MBNL2: variants seen among roughly 807,000 people sequenced by gnomAD.
MBNL2 encodes the protein muscleblind-like protein 2.
In MBNL2, 17 loss-of-function variants were observed where a neutral mutation model predicts 41.9. The observed-to-expected ratio is 0.41, with a 90% CI of 0.28 to 0.61. MBNL2 has a LOEUF of 0.61. Among genes scored for constraint, MBNL2 ranks in the 20% least tolerant of loss-of-function variants. The probability of loss-of-function intolerance (pLI) is 0.35; values close to 1 mark genes in which losing one functional copy is unlikely to be tolerated. For missense variants in MBNL2, 336 were observed against 505.6 expected (o/e 0.66, Z 3.22); for synonymous variants, 195 against 182.9 (o/e 1.07, Z -0.53).
upstream of MBNL2, among the ~76,000 whole-genome samples, chr13:97,216,815 G>A (rs529553822): frequency 4.6e-5 from 7 of 151,746 alleles, no homozygotes; most frequent in East Asian, 1.9e-4. Flanking sequence ...TTCCTTCTCC[G>A]GTCCAACTTT....
chr13:97,149,182 T>C, the MBNL2 span, among the ~76,000 whole-genome samples: 1 of 152,178 alleles, frequency 6.6e-6, no homozygotes, highest in African/African-American at 2.4e-5. Context: ...TTGGCAGCCA[T>C]TACGGAAGCG....
chr13:97,357,864 A>C, intron 7 of MBNL2: 1 of 566,732 alleles, frequency 1.8e-6, no homozygotes, highest in Non-Finnish European at 3.2e-6. Context: ...GATTTAACCC[A>C]TGAGAAACAG....
At chr13:97,305,879 A>G (rs2058078695) in intron 2 of MBNL2, among the ~76,000 whole-genome samples, 1 of 152,192 alleles carries the variant, frequency 6.6e-6, no homozygotes. Context: ...AGAGCTACCC[A>G]AGCAATAATT....
At chr13:97,307,323 T>C (rs2058213340) in intron 2 of MBNL2, among the ~76,000 whole-genome samples, 1 of 152,022 alleles carries the variant, frequency 6.6e-6, no homozygotes, top group Non-Finnish European at 1.5e-5. Flanking sequence ...ATTTTTCCAC[T>C]GTGTGTGCCA....
At chr13:97,331,977 G>A (rs1455458132) in intron 2 of MBNL2, among the ~76,000 whole-genome samples, 1 of 152,198 alleles carries the variant, frequency 6.6e-6, no homozygotes, top group African/African-American at 2.4e-5. Context: ...AAATGTGTGT[G>A]TGCAGCCACA....
chr13:97,237,547 A>G (rs1437146290), intron 1 of MBNL2, among the ~76,000 whole-genome samples: 1 of 152,200 alleles, frequency 6.6e-6, no homozygotes, highest in Non-Finnish European at 1.5e-5. Context: ...GATGCCTGTG[A>G]GATTAGTGCC....
chr13:97,352,416 A>C (rs1197852058), intron 5 of MBNL2, among the ~76,000 whole-genome samples: 1 of 152,176 alleles, frequency 6.6e-6, no homozygotes, highest in African/African-American at 2.4e-5. Flanking sequence ...TAATTTCAAT[A>C]TAATTTTGTC....
At chr13:97,364,695 G>C (rs2063712508) in intron 7 of MBNL2, among the ~76,000 whole-genome samples, 1 of 152,190 alleles carries the variant, frequency 6.6e-6, no homozygotes, top group South Asian at 2.1e-4. Flanking sequence ...GATTTACGAA[G>C]AGAATTCTAT....
At chr13:97,163,099 T>C in the MBNL2 span, among the ~76,000 whole-genome samples, 1 of 152,150 alleles carries the variant, frequency 6.6e-6, no homozygotes, top group Admixed American at 6.5e-5. Context: ...GAATGTGCTG[T>C]GTGCTTAAAG....
At chr13:97,197,537 AT>A in the MBNL2 span, among the ~76,000 whole-genome samples, 1 of 152,020 alleles carries the variant, frequency 6.6e-6, no homozygotes, top group Non-Finnish European at 1.5e-5. Flanking sequence ...ATGGTTTTTC[AT>A]TTGTTCAAGC....
chr13:97,334,311 C>T lies in MBNL2; in HGVS notation c.210C>T (p.His70=), dbSNP rs2060698380. The T allele has an allele frequency of 6.2e-7, 1 of 1,613,162 alleles. No homozygotes were observed. Among genetic ancestry groups the T allele is most frequent in the Non-Finnish European group, 8.5e-7 (1 of 1,179,630 alleles). ...RCSRENCKYL[H]PPTHLKTQLE... Reference sequence around the variant, plus strand: ...CGAGAGAGAACTGCAAGTATCTTCACCCTCCGACACACTTAAAAACTCAAC... The same window carrying T: ...CGAGAGAGAACTGCAAGTATCTTCATCCTCCGACACACTTAAAAACTCAAC... Residue 70 remains histidine, a synonymous_variant, in exon 3 of 9, where the codon CAC becomes CAT. Transcript: ENST00000679496. The surrounding 1 kb of genome is among the most constrained non-coding windows in gnomAD (Gnocchi z 5.3).
chr13:97,196,566 A>G, the MBNL2 span, among the ~76,000 whole-genome samples: 1 of 152,178 alleles, frequency 6.6e-6, no homozygotes, highest in Non-Finnish European at 1.5e-5. Flanking sequence ...GGGAAGTGTT[A>G]CTGGAGCCAT....
chr13:97,310,795 T>C (rs2058532956), intron 2 of MBNL2, among the ~76,000 whole-genome samples: 1 of 151,618 alleles, frequency 6.6e-6, no homozygotes, highest in South Asian at 2.1e-4. Flanking sequence ...TTTTTTTTTT[T>C]TTTTTTTAAA....
intron 1 of MBNL2, among the ~76,000 whole-genome samples, chr13:97,228,897 A>G (rs1482181449): frequency 1.3e-5 from 2 of 151,942 alleles, no homozygotes; most frequent in African/African-American, 4.8e-5. Context: ...CAAATTGAGT[A>G]AGGTTAAGCA....
chr13:97,361,538 TAGAG>T (rs1388305827), intron 7 of MBNL2, among the ~76,000 whole-genome samples: 1 of 151,978 alleles, frequency 6.6e-6, no homozygotes, highest in Non-Finnish European at 1.5e-5. Context: ...TTAGGCCACT[TAGAG>T]AGAGAGGCTC....
At chr13:97,180,432 A>G in the MBNL2 span, among the ~76,000 whole-genome samples, 1 of 152,126 alleles carries the variant, frequency 6.6e-6, no homozygotes, top group Non-Finnish European at 1.5e-5. Flanking sequence ...AAAATTTACC[A>G]TTTTTTATCA....
At chr13:97,342,293 A>G (rs1050440201) in intron 3 of MBNL2, among the ~76,000 whole-genome samples, 6 of 152,190 alleles carry the variant, frequency 3.9e-5, no homozygotes, top group Admixed American at 3.9e-4. Context: ...AAGATTCTGT[A>G]TGCTCTTGTC....
intron 5 of MBNL2, among the ~76,000 whole-genome samples, chr13:97,348,300 A>G (rs567310681): frequency 1.3e-5 from 2 of 152,026 alleles, no homozygotes; most frequent in Admixed American, 6.6e-5. Context: ...GGATCAAGCA[A>G]TTCTCACACC....
At chr13:97,224,702 A>G (rs1042856616) in intron 1 of MBNL2, among the ~76,000 whole-genome samples, 2 of 151,858 alleles carry the variant, frequency 1.3e-5, no homozygotes, top group African/African-American at 4.8e-5. Context: ...AAGGGATAAA[A>G]CCTCGGTATT....
Sources: allele counts gnomAD v4.1 joint callset (sites outside exome capture counted in the v4.1 genomes callset), GRCh38; gene constraint gnomAD v4.1.1; non-coding constraint Gnocchi (gnomAD v3.1); transcripts MANE v1.5; gene names NCBI Gene and HGNC (gene_info 2026-07-23, HGNC 2026-07-21).